Variants in ITGAE observed in about 807,000 individuals in gnomAD.
ITGAE encodes integrin alpha-E.
ITGAE carries 99 observed loss-of-function variants against 136.5 expected under a neutral mutation model. The observed-to-expected ratio is 0.73, with a 90% confidence interval of 0.62 to 0.86. ITGAE has a LOEUF of 0.86. Among genes scored for constraint, ITGAE ranks in the 40% least tolerant of loss-of-function variants. ITGAE has a pLI of 0.00. For missense variants in ITGAE, 1,447 were observed against 1,515.3 expected (o/e 0.95, Z 0.75); for synonymous variants, 613 against 591.8 (o/e 1.04, Z -0.52).
intron 26 of ITGAE, chr17:3,724,594 C>G: frequency 6.2e-7 from 1 of 1,614,208 alleles, no homozygotes; most frequent in Non-Finnish European, 8.5e-7. Flanking sequence ...CTCCCCTGCT[C>G]CCAGGAGGAA....
intron 6 of ITGAE, 109 bp downstream of exon 6, chr17:3,760,904 A>G (rs2052148413): frequency 6.9e-7 from 1 of 1,459,300 alleles, no homozygotes; most frequent in Non-Finnish European, 9.0e-7. Flanking sequence ...TGTAAAGTCC[A>G]GCCACTGCTC....
chr17:3,740,572 C>T (rs1484865427), intron 19 of ITGAE, among the ~76,000 whole-genome samples: 9 of 152,212 alleles, frequency 5.9e-5, no homozygotes, highest in Non-Finnish European at 1.3e-4. Flanking sequence ...GAAAGGGTTT[C>T]GCCATGTTGA....
rs542542237 is a variant in ITGAE at position 3,749,272 on chromosome 17, G to T, written c.2024+1080C>A. Among the ~76,000 whole-genome samples, 112 of 138,858 alleles carry T rather than the reference G, an allele frequency of 8.1e-4. No homozygotes were observed. The South Asian group carries it at 0.015, about 19-fold the overall frequency. The allele number at this position is 138,858 out of a possible 152,430, so 91.1% of individuals were successfully genotyped here. Reference sequence around the variant, plus strand: ...GCTCTGTTTTTCTTTTTTTTTTTTTGGAGACGGAGTCTCGCTCTGTCGCCC... The same window carrying T: ...GCTCTGTTTTTCTTTTTTTTTTTTTTGAGACGGAGTCTCGCTCTGTCGCCC... On this transcript the variant is annotated intron_variant, in intron 16 of 30. Coordinates refer to ENST00000263087, the MANE Select transcript of ITGAE (RefSeq NM_002208.5).
chr17:3,725,150 C>G (rs777054247), intron 26 of ITGAE: 1 of 1,614,196 alleles, frequency 6.2e-7, no homozygotes, highest in South Asian at 1.1e-5. Flanking sequence ...TCTGCAGCAT[C>G]TATACCACTG....
chr17:3,750,200 T>G, intron 16 of ITGAE, 152 bp downstream of exon 16: 1 of 1,136,718 alleles, frequency 8.8e-7, no homozygotes, highest in Non-Finnish European at 1.2e-6. Context: ...AGAGCTGAGG[T>G]TCAAACCCAG....
In ITGAE at chr17:3,747,922, C is replaced by G. The variant is rs767590992; in HGVS notation, c.2155G>C (p.Gly719Arg). 23 of 1,590,412 alleles carry G rather than the reference C, an allele frequency of 1.4e-5. No homozygotes were observed. The highest frequency in any genetic ancestry group is 1.9e-5 in the Non-Finnish European group (22 of 1,165,260). Reference sequence around the variant, plus strand: ...GGGGTCAGCTGGACCATTTTTTTACCTGACTCAGAGGCTGTGGTTACAGAG... The same window carrying G: ...GGGGTCAGCTGGACCATTTTTTTACGTGACTCAGAGGCTGTGGTTACAGAG... ...ISSVTTASES[G>R]LREALLNFTL... Residue 719 changes from glycine (G) to arginine (R), a missense_variant and splice_region_variant, in exon 17 of 31, where the codon GGC (glycine) becomes CGC (arginine). Physicochemically the swap from Gly to Arg is moderately radical, Grantham distance 125. Transcript: ENST00000263087.
In ITGAE at chr17:3,752,751, G is replaced by A. The variant is rs956522943; in HGVS notation, c.1668+539C>T. On this transcript the variant is annotated intron_variant, in intron 14 of 30. Coordinates refer to ENST00000263087, the MANE Select transcript of ITGAE (RefSeq NM_002208.5). Reference sequence around the variant, plus strand: ...GGACAACAGAGTGAGACTCAGTCTCGGAAAAAAAAAAAAAAATGCTGGGCG... The same window carrying A: ...GGACAACAGAGTGAGACTCAGTCTCAGAAAAAAAAAAAAAAATGCTGGGCG... 3.5e-5 allele frequency among the ~76,000 whole-genome samples: 5 copies of A among 144,826 alleles called. No homozygotes were observed. In the South Asian group the frequency reaches 6.5e-4, roughly 19 times the overall value.
At chr17:3,765,615 A>G (rs2052280626) in intron 2 of ITGAE, among the ~76,000 whole-genome samples, 1 of 152,074 alleles carries the variant, frequency 6.6e-6, no homozygotes, top group Non-Finnish European at 1.5e-5. Context: ...GTTCCTGTGA[A>G]GGTCACCAGG....
At chr17:3,788,777 AT>A (rs1244152425) in intron 1 of ITGAE, among the ~76,000 whole-genome samples, 56 of 129,208 alleles carry the variant, frequency 4.3e-4, no homozygotes, top group East Asian at 1.9e-3. Context: ...TATTAAAATA[AT>A]TATTTAAAAA....
intron 3 of ITGAE, among the ~76,000 whole-genome samples, chr17:3,763,032 G>A (rs563855342): frequency 5.8e-4 from 88 of 152,098 alleles, no homozygotes; most frequent in African/African-American, 2.1e-3. Flanking sequence ...AGCTGGGATT[G>A]TAGGCATGCA....
At chr17:3,758,703 T>C (rs2052088229) in intron 8 of ITGAE, among the ~76,000 whole-genome samples, 1 of 151,990 alleles carries the variant, frequency 6.6e-6, no homozygotes, top group Non-Finnish European at 1.5e-5. Context: ...CCACCTGTGT[T>C]GGCCTCCCAA....
intron 15 of ITGAE, among the ~76,000 whole-genome samples, chr17:3,751,432 G>A (rs113573701): frequency 0.015 from 2,231 of 151,900 alleles, 39 homozygotes; most frequent in South Asian, 0.046. Flanking sequence ...CCGAGGTGAA[G>A]CCCTGGTCTG....
chr17:3,783,494 T>A (rs566705755), intron 1 of ITGAE, among the ~76,000 whole-genome samples: 1 of 152,352 alleles, frequency 6.6e-6, no homozygotes, highest in Admixed American at 6.5e-5. Flanking sequence ...TAAACCTTCA[T>A]GACAATACAT....
intron 29 of ITGAE, 121 bp downstream of exon 29, chr17:3,720,186 G>C: frequency 1.7e-6 from 1 of 592,506 alleles, no homozygotes; most frequent in Non-Finnish European, 3.0e-6. Flanking sequence ...AGCGATGGCA[G>C]AGCCAAGATC....
chr17:3,783,073 G>C (rs2052701338), intron 1 of ITGAE, among the ~76,000 whole-genome samples: 1 of 152,202 alleles, frequency 6.6e-6, no homozygotes, highest in Non-Finnish European at 1.5e-5. Flanking sequence ...GTGTTTGGAA[G>C]TGCTTTTGGG....
intron 1 of ITGAE, among the ~76,000 whole-genome samples, chr17:3,800,741 T>C (rs2143580687): frequency 6.6e-6 from 1 of 152,262 alleles, no homozygotes; most frequent in Non-Finnish European, 1.5e-5. Flanking sequence ...AGAAGGGAGC[T>C]CTGCCAGGCG....
Position 3,777,522 on chromosome 17 carries a change from C to T in ITGAE, c.155+18G>A. 1 of 1,595,738 alleles carries T rather than the reference C, an allele frequency of 6.3e-7. No homozygotes were observed. The highest frequency in any genetic ancestry group is 8.6e-7 in the Non-Finnish European group (1 of 1,169,342). ...AGCCCCTCAGTCTGAAGGCCTCTTG[C>T]CCACCGGCCCTACTCACCAGGTCTG... On this transcript the variant is annotated intron_variant, in intron 2 of 30. Coordinates refer to ENST00000263087, the MANE Select transcript of ITGAE (RefSeq NM_002208.5).
At chr17:3,794,295 T>G (rs1244092666) in intron 1 of ITGAE, among the ~76,000 whole-genome samples, 1 of 151,988 alleles carries the variant, frequency 6.6e-6, no homozygotes, top group African/African-American at 2.4e-5. Context: ...TTTTTTAAAT[T>G]TTTTGTAGAG....
intron 2 of ITGAE, 89 bp downstream of exon 2, chr17:3,777,451 G>C: frequency 6.8e-7 from 1 of 1,480,816 alleles, no homozygotes; most frequent in Non-Finnish European, 9.1e-7. Flanking sequence ...GTGGGGTGGG[G>C]TGGGCTGCCA....
Sources: gnomAD v4.1 joint callset for allele counts (sites outside exome capture counted in the v4.1 genomes callset) on GRCh38, gnomAD v4.1.1 for gene constraint, MANE v1.5 for transcripts, NCBI Gene and HGNC (gene_info 2026-07-23, HGNC 2026-07-21) for gene names.